The following SMG6 variants were observed in gnomAD, a reference collection of about 807,000 sequenced individuals.
SMG6 encodes the protein SMG6 nonsense mediated mRNA decay factor.
Under a neutral mutation model 142.2 loss-of-function variants are expected in SMG6, and 66 were observed. That is an observed-to-expected ratio of 0.46 (90% CI 0.38 to 0.57). The LOEUF (loss-of-function observed/expected upper bound fraction) is 0.57, where lower values mean the gene tolerates loss of function less well. SMG6 is among the 20% of genes least tolerant of loss of function. The probability of loss-of-function intolerance (pLI) is 0.00; values close to 1 mark genes in which losing one functional copy is unlikely to be tolerated. For synonymous variants in SMG6, 779 were observed against 702.4 expected (o/e 1.11, Z -1.72); for missense variants, 1,793 against 1,832.0 (o/e 0.98, Z 0.39).
rs1306108736 is a variant in SMG6, at chr17:2,299,200, G to C, written c.1553C>G (p.Ser518Cys). 3.1e-6 allele frequency: 5 copies of C among 1,613,688 alleles called. No homozygotes were observed. The highest frequency in any genetic ancestry group is 1.7e-5 in the Admixed American group (1 of 59,958). ...YYYPRTPGPA[S>C]QYPYTGYNPL... ...GTTATAGCCCGTATAGGGATACTGG[G>C]AGGCAGGGCCTGGTGTCCGGGGGTA... is the stretch of plus-strand genomic sequence containing the variant. The change falls in exon 2 of 19, where the codon TCC (serine) becomes TGC (cysteine). Residue 518 changes from serine to cysteine, a missense_variant. Physicochemically the swap from Ser to Cys is moderately radical, Grantham distance 112. This residue lies in a region of SMG6 where 1,597 missense variants were observed against 1,584.6 expected (regional missense o/e 1.01). Transcript: ENST00000263073. The surrounding 1 kb of genome is among the most constrained non-coding windows in gnomAD (Gnocchi z 4.3).
intron 6 of SMG6, among the ~76,000 whole-genome samples, chr17:2,284,255 T>A (rs558035764): frequency 6.6e-6 from 1 of 152,332 alleles, no homozygotes; most frequent in South Asian, 2.1e-4. Flanking sequence ...ATGGGAGTAA[T>A]AATACCCAAT....
At chr17:2,221,219 G>A (rs894988481) in intron 10 of SMG6, among the ~76,000 whole-genome samples, 2 of 152,134 alleles carry the variant, frequency 1.3e-5, no homozygotes, top group Non-Finnish European at 2.9e-5. Context: ...CAGTGCTGGA[G>A]GTGGGGCCTG....
chr17:2,294,343 C>T (rs177567), intron 4 of SMG6, among the ~76,000 whole-genome samples: 87,171 of 152,070 alleles, frequency 0.57, 26,245 homozygotes, highest in East Asian at 0.75. Context: ...ACTACATCCA[C>T]TTTGTCATGT....
chr17:2,122,178 G>A (rs1199621007), intron 13 of SMG6, among the ~76,000 whole-genome samples: 1 of 152,128 alleles, frequency 6.6e-6, no homozygotes, highest in African/African-American at 2.4e-5. Flanking sequence ...GGAAGAGAGG[G>A]AGAGAGAGAA....
In SMG6 at chr17:2,140,760, TA is replaced by T. The variant is rs959101241; in HGVS notation, c.3357+31897del. On this transcript the variant is annotated intron_variant, in intron 13 of 18. Coordinates refer to ENST00000263073, the MANE Select transcript of SMG6 (RefSeq NM_017575.5). Reference sequence around the variant, plus strand: ...CAATATTTAGAAAGTAGTATTCAATTAAAAAAAAAAGCCATTGAAGCTGTCT... The same window carrying T: ...CAATATTTAGAAAGTAGTATTCAATTAAAAAAAAAGCCATTGAAGCTGTCT... Among the ~76,000 whole-genome samples the T allele has an allele frequency of 2.6e-3, 379 of 148,528 alleles. 1 individual carries two copies. Among genetic ancestry groups the T allele is most frequent in the Middle Eastern group, 0.01 (3 of 292 alleles).
At chr17:2,281,564 C>T (rs1257173743) in intron 8 of SMG6, among the ~76,000 whole-genome samples, 1 of 152,192 alleles carries the variant, frequency 6.6e-6, no homozygotes, top group Non-Finnish European at 1.5e-5. Flanking sequence ...TCATATCTCA[C>T]TTGGAACTAC....
chr17:2,283,474 T>C (rs1345196831), intron 7 of SMG6, 151 bp downstream of exon 7: 1 of 655,790 alleles, frequency 1.5e-6, no homozygotes, highest in Admixed American at 2.4e-5. Context: ...CTATGAGTCA[T>C]TCCCCGAGGA....
At chr17:2,236,742 CACA>C in intron 9 of SMG6, 105 bp from the exon 10 acceptor site, 1 of 927,900 alleles carries the variant, frequency 1.1e-6, no homozygotes. Context: ...CACACACACA[CACA>C]CACACACCAG....
chr17:2,295,936 T>C (rs2075133508), intron 4 of SMG6, among the ~76,000 whole-genome samples: 1 of 152,040 alleles, frequency 6.6e-6, no homozygotes, highest in Non-Finnish European at 1.5e-5. Flanking sequence ...ACAATTCCAT[T>C]CTATTTCCTT....
At chr17:2,147,413 T>C (rs1190682846) in intron 13 of SMG6, among the ~76,000 whole-genome samples, 1 of 151,978 alleles carries the variant, frequency 6.6e-6, no homozygotes, top group Non-Finnish European at 1.5e-5. Context: ...CTATAGGTTA[T>C]AGGCCACACA....
At chr17:2,110,783 T>C (rs946907439) in intron 13 of SMG6, among the ~76,000 whole-genome samples, 1 of 152,188 alleles carries the variant, frequency 6.6e-6, no homozygotes, top group Non-Finnish European at 1.5e-5. Context: ...TGCTCCAGTC[T>C]GCACGCTGCC....
Position 2,228,193 on chromosome 17 carries a change from A to G in SMG6, c.2869+8299T>C, listed in dbSNP as rs1190668393. Among the ~76,000 whole-genome samples, 3 of 152,000 alleles carry G rather than the reference A, an allele frequency of 2.0e-5. No homozygotes were observed. In the East Asian group the frequency reaches 5.8e-4, roughly 29 times the overall value. On this transcript the variant is annotated intron_variant, in intron 10 of 18. Transcript: ENST00000263073. The stretch of plus-strand genomic sequence containing the variant: ...ATTCTTGTGCCTCAGCCTCTTGAGT[A>G]GCTGGGATTACAGGCATATGCCACT...
chr17:2,068,761 C>T lies in SMG6; in HGVS notation c.3835+17G>A. On this transcript the variant is annotated intron_variant, in intron 16 of 18. Transcript: ENST00000263073. This position sits in a 1 kb window ranked among gnomAD's most constrained non-coding sequence, Gnocchi z 6.7. ...TGTGCACATGCAAGGCCGCTCTGCC[C>T]TTCCCGCCTGACTCACCGATGAGGG... 6.2e-7 allele frequency: 1 copy of T among 1,612,508 alleles called. No individual in the cohort carries two copies. Among genetic ancestry groups the T allele is most frequent in the Non-Finnish European group, 8.5e-7 (1 of 1,179,168 alleles).
intron 14 of SMG6, chr17:2,082,218 C>T (rs1039965596): frequency 2.2e-6 from 1 of 457,812 alleles, no homozygotes; most frequent in African/African-American, 1.9e-5. Flanking sequence ...CGCAATCACA[C>T]ATATATACCT....
At chr17:2,064,326 T>C (rs9912609) in intron 18 of SMG6, among the ~76,000 whole-genome samples, 119,329 of 152,010 alleles carry the variant, frequency 0.79, 46,985 homozygotes, top group East Asian at 0.94. Context: ...CCTAGTGTCA[T>C]TGACCTGTGG....
intron 15 of SMG6, among the ~76,000 whole-genome samples, chr17:2,069,372 A>G (rs561087075): frequency 1.3e-5 from 2 of 152,202 alleles, no homozygotes; most frequent in African/African-American, 4.8e-5. Context: ...CTGTGTAGCT[A>G]AAACAAAACA....
At chr17:2,294,247 G>C (rs1318128418) in intron 4 of SMG6, among the ~76,000 whole-genome samples, 2 of 152,284 alleles carry the variant, frequency 1.3e-5, no homozygotes, top group South Asian at 2.1e-4. Flanking sequence ...CTGTTCCACA[G>C]ATTCTATGAA....
intron 10 of SMG6, among the ~76,000 whole-genome samples, chr17:2,230,233 G>GAAAAGAA (rs2073442484): frequency 2.4e-5 from 1 of 41,092 alleles, no homozygotes; most frequent in East Asian, 6.6e-4. Flanking sequence ...GAAAAGAAAG[G>GAAAAGAA]AAAAGAAAAG....
chr17:2,092,289 T>A (rs1227016947), intron 13 of SMG6, among the ~76,000 whole-genome samples: 2 of 152,182 alleles, frequency 1.3e-5, no homozygotes, highest in Non-Finnish European at 2.9e-5. Flanking sequence ...CCCTCCGTAG[T>A]CCTATGGTTG....
Sources: gnomAD v4.1 joint callset for allele counts (sites outside exome capture counted in the v4.1 genomes callset) on GRCh38, gnomAD v4.1.1 for gene constraint, gnomAD v4.1.1 regional missense constraint, Gnocchi (gnomAD v3.1) non-coding constraint, MANE v1.5 for transcripts, NCBI Gene and HGNC (gene_info 2026-07-23, HGNC 2026-07-21) for gene names.